PLCB1: variants seen among roughly 807,000 people sequenced by gnomAD.
The protein encoded by PLCB1 is phospholipase C beta 1, also known as 1-phosphatidylinositol 4,5-bisphosphate phosphodiesterase beta-1.
PLCB1 carries 46 observed loss-of-function variants against 161.8 expected under a neutral mutation model. The observed-to-expected ratio is 0.28, with a 90% CI of 0.22 to 0.36. The LOEUF (loss-of-function observed/expected upper bound fraction) is 0.36, where lower values mean the gene tolerates loss of function less well. Among genes scored for constraint, PLCB1 ranks in the 10% least tolerant of loss-of-function variants. The probability of loss-of-function intolerance (pLI) is 1.00; values close to 1 mark genes in which losing one functional copy is unlikely to be tolerated. For synonymous variants in PLCB1, 517 were observed against 503.7 expected (o/e 1.03, Z -0.35); for missense variants, 1,016 against 1,472.5 (o/e 0.69, Z 5.07).
chr20:8,134,644 C>T (rs915867968), intron 1 of PLCB1, among the ~76,000 whole-genome samples: 1 of 152,044 alleles, frequency 6.6e-6, no homozygotes. Context: ...TGTTACGGAC[C>T]TTACATGCTA....
chr20:8,880,985 G>A (rs1987958255), intron 31 of PLCB1: 2 of 152,090 alleles, frequency 1.3e-5, no homozygotes, highest in Non-Finnish European at 2.9e-5. Flanking sequence ...TCCTGCCCCA[G>A]CCTCCCAAGT....
chr20:8,572,440 G>A (rs1600161777), intron 3 of PLCB1, among the ~76,000 whole-genome samples: 3 of 152,154 alleles, frequency 2.0e-5, no homozygotes, highest in Non-Finnish European at 4.4e-5. Context: ...TCATGTTTTA[G>A]AATGCTATTT....
In PLCB1 at chr20:8,749,172, C is replaced by T. The variant is rs185961549; in HGVS notation, c.2523+7599C>T. ...TCCTAAAACACAGATCGATGGGTGT[C>T]GTAGCCAAAGTTTCTGATTCAGTAG... On this transcript the variant is annotated intron_variant, in intron 23 of 31. Transcript: ENST00000338037. Among the ~76,000 whole-genome samples, 5 of 152,276 alleles carry T rather than the reference C, an allele frequency of 3.3e-5. No individual in the cohort carries two copies. The East Asian group carries it at 5.8e-4, about 18-fold the overall frequency.
intron 1 of PLCB1, among the ~76,000 whole-genome samples, chr20:8,150,061 T>G (rs1260276929): frequency 6.6e-6 from 1 of 152,110 alleles, no homozygotes; most frequent in Non-Finnish European, 1.5e-5. Context: ...TAAATCATAA[T>G]GCTTTTTCCT....
At chr20:8,462,413 C>T (rs1195529698) in intron 3 of PLCB1, among the ~76,000 whole-genome samples, 2 of 152,086 alleles carry the variant, frequency 1.3e-5, no homozygotes, top group South Asian at 2.1e-4. Context: ...CATTTAAGAA[C>T]GATTAAGACA....
At chr20:8,385,861 G>T (rs1987412272) in intron 3 of PLCB1, among the ~76,000 whole-genome samples, 1 of 152,226 alleles carries the variant, frequency 6.6e-6, no homozygotes, top group Non-Finnish European at 1.5e-5. Flanking sequence ...TCCGATGAGA[G>T]AACCTGGATA....
At chr20:8,421,511 GTAATAT>G (rs1192162765) in intron 3 of PLCB1, among the ~76,000 whole-genome samples, 22 of 152,242 alleles carry the variant, frequency 1.4e-4, no homozygotes, top group African/African-American at 5.1e-4. Flanking sequence ...TGTTTATGAT[GTAATAT>G]CAATACATTT....
intron 27 of PLCB1, among the ~76,000 whole-genome samples, chr20:8,786,192 G>A (rs2146216897): frequency 6.6e-6 from 1 of 152,286 alleles, no homozygotes; most frequent in South Asian, 2.1e-4. Flanking sequence ...GCCCTCTAGG[G>A]AAGGGAAGGT....
chr20:8,230,461 G>A (rs551281714), intron 2 of PLCB1, among the ~76,000 whole-genome samples: 43 of 152,074 alleles, frequency 2.8e-4, no homozygotes, highest in African/African-American at 8.9e-4. Flanking sequence ...TATATACAAT[G>A]TATCATTGTT....
intron 26 of PLCB1, among the ~76,000 whole-genome samples, chr20:8,770,173 C>T (rs552729468): frequency 1.3e-5 from 2 of 151,974 alleles, no homozygotes; most frequent in Non-Finnish European, 2.9e-5. Context: ...AGGATGGCCT[C>T]GATCTCCTGA....
chr20:8,775,516 A>G (rs1568594853), intron 27 of PLCB1, among the ~76,000 whole-genome samples: 1 of 152,196 alleles, frequency 6.6e-6, no homozygotes, highest in Non-Finnish European at 1.5e-5. Context: ...GTCTGTGCAT[A>G]TAAGAGAATT....
intron 3 of PLCB1, among the ~76,000 whole-genome samples, chr20:8,379,694 AATG>A (rs1309404771): frequency 6.6e-6 from 1 of 152,124 alleles, no homozygotes; most frequent in Non-Finnish European, 1.5e-5. Context: ...GCATTTCTCT[AATG>A]ATCAGTGATG....
chr20:8,617,822 G>A (rs1390603464), intron 3 of PLCB1, among the ~76,000 whole-genome samples: 9 of 151,818 alleles, frequency 5.9e-5, no homozygotes, highest in Admixed American at 5.2e-4. Context: ...GGTGGGACTC[G>A]TTTGAGAAAA....
chr20:8,223,296 T>G (rs1979511235), intron 2 of PLCB1, among the ~76,000 whole-genome samples: 1 of 152,112 alleles, frequency 6.6e-6, no homozygotes, highest in African/African-American at 2.4e-5. Context: ...TTTAGAACAG[T>G]CTGTAAGATC....
At chr20:8,850,593 C>T (rs531824239) in intron 31 of PLCB1, among the ~76,000 whole-genome samples, 109 of 152,128 alleles carry the variant, frequency 7.2e-4, no homozygotes, top group Admixed American at 1.3e-3. Context: ...GAGGACTTTA[C>T]GAGGTTTAGG....
intron 31 of PLCB1, chr20:8,802,092 C>T (rs1392862928): frequency 1.2e-6 from 2 of 1,612,598 alleles, no homozygotes; most frequent in East Asian, 2.2e-5. Context: ...GGAAACTTGC[C>T]ATGAGGATCC....
At chr20:8,535,585 C>T (rs1308524969) in intron 3 of PLCB1, among the ~76,000 whole-genome samples, 1 of 151,968 alleles carries the variant, frequency 6.6e-6, no homozygotes, top group African/African-American at 2.4e-5. Context: ...CTCAATTTTG[C>T]CCCCCAGTGG....
intron 31 of PLCB1, among the ~76,000 whole-genome samples, chr20:8,821,767 A>G (rs1985437175): frequency 6.6e-6 from 1 of 151,896 alleles, no homozygotes; most frequent in Non-Finnish European, 1.5e-5. Context: ...GGTTTGTCAG[A>G]AGGTGTCAAG....
At chr20:8,262,321 C>A (rs1407026917) in intron 2 of PLCB1, among the ~76,000 whole-genome samples, 1 of 151,984 alleles carries the variant, frequency 6.6e-6, no homozygotes, top group East Asian at 1.9e-4. Flanking sequence ...GAACTCCTGA[C>A]CTCAGGTGAT....
Sources: gnomAD v4.1 joint callset for allele counts (sites outside exome capture counted in the v4.1 genomes callset) on GRCh38, gnomAD v4.1.1 for gene constraint, MANE v1.5 for transcripts, NCBI Gene and HGNC (gene_info 2026-07-23, HGNC 2026-07-21) for gene names.